PRDM16: variants seen among roughly 807,000 people sequenced by gnomAD.
PRDM16 encodes histone-lysine N-methyltransferase PRDM16.
In PRDM16, 23 loss-of-function variants were observed where a neutral mutation model predicts 110.6. The observed-to-expected ratio is 0.21, with a 90% confidence interval of 0.15 to 0.29. PRDM16 has a LOEUF of 0.29. Ranked by LOEUF, PRDM16 falls within the 10% of genes least tolerant of loss-of-function variation. The probability of loss-of-function intolerance (pLI) is 1.00; values close to 1 mark genes in which losing one functional copy is unlikely to be tolerated. For missense variants in PRDM16, 1,615 were observed against 1,794.3 expected (o/e 0.90, Z 1.81); for synonymous variants, 799 against 781.8 (o/e 1.02, Z -0.37).
chr1:3,425,075 C>CT lies in PRDM16; in HGVS notation c.2940-486dup, dbSNP rs34261616. The CT allele has an allele frequency of 0.17, 20,670 of 123,034 alleles. 2,330 individuals carry two copies. The highest frequency in any genetic ancestry group is 0.29 in the East Asian group (1,159 of 3,980). The allele number at this position is 123,034 out of a possible 1,614,324, so 7.6% of individuals were successfully genotyped here. ...CAGTAGGAGGGTGAACGCCTGCTTG[C>CT]TTTTTTTTTTTTTTTTTTTTGAGAT... On this transcript the variant is annotated intron_variant, in intron 12 of 16. Coordinates refer to ENST00000270722, the MANE Select transcript of PRDM16 (RefSeq NM_022114.4). The surrounding 1 kb of genome is among the most constrained non-coding windows in gnomAD (Gnocchi z 6.9).
chr1:3,177,908 G>A (rs1241107723), intron 1 of PRDM16, among the ~76,000 whole-genome samples: 1 of 152,248 alleles, frequency 6.6e-6, no homozygotes, highest in Non-Finnish European at 1.5e-5. Context: ...GTGGCCTTTG[G>A]GGAAGAGCTG....
At chr1:3,337,275 C>G (rs7516137) in intron 3 of PRDM16, among the ~76,000 whole-genome samples, 50,347 of 152,148 alleles carry the variant, frequency 0.33, 8,763 homozygotes, top group East Asian at 0.56. Context: ...CTGTGAATCC[C>G]ACTGTGAATT....
intron 3 of PRDM16, among the ~76,000 whole-genome samples, chr1:3,373,215 A>G (rs1002978990): frequency 8.5e-5 from 13 of 152,158 alleles, no homozygotes; most frequent in African/African-American, 3.1e-4. Context: ...GGACAGTCTC[A>G]GTCCCCCTGC....
chr1:3,090,199 C>T (rs974095633), intron 1 of PRDM16, among the ~76,000 whole-genome samples: 7 of 152,240 alleles, frequency 4.6e-5, no homozygotes, highest in Admixed American at 1.3e-4. Context: ...AACGCCACCA[C>T]GGGGCTGGTC....
chr1:3,411,783 T>C lies in PRDM16; in HGVS notation c.1586T>C (p.Leu529Pro), dbSNP rs1442870549. ...PPSLYPRPPL[L>P]PPTSLLKSPL... ...TCCTTGTACCCCCGGCCGCCTCTGC[T>C]ACCTCCCACATCGCTGCTCAAGAGC... Residue 529 changes from leucine (L) to proline (P), a missense_variant, in exon 9 of 17, where the codon CTA (leucine) becomes CCA (proline). Leu to Pro is a moderately conservative substitution (Grantham distance 98). Transcript: ENST00000270722. 1.9e-6 allele frequency: 3 copies of C among 1,611,748 alleles called. No homozygotes were observed. Among genetic ancestry groups the C allele is most frequent in the Non-Finnish European group, 2.5e-6 (3 of 1,179,746 alleles).
intron 1 of PRDM16, among the ~76,000 whole-genome samples, chr1:3,086,296 G>A (rs1003158384): frequency 4.3e-4 from 65 of 152,178 alleles, no homozygotes; most frequent in African/African-American, 1.1e-3. Context: ...CACCTGCTGC[G>A]ACCCCCAGGC....
At chr1:3,151,972 T>G (rs1643782763) in intron 1 of PRDM16, among the ~76,000 whole-genome samples, 1 of 152,166 alleles carries the variant, frequency 6.6e-6, no homozygotes, top group African/African-American at 2.4e-5. Flanking sequence ...GTCTGGTGGG[T>G]GGGAGTCTGC....
intron 3 of PRDM16, among the ~76,000 whole-genome samples, chr1:3,367,105 G>A (rs1245945366): frequency 6.6e-6 from 1 of 152,092 alleles, no homozygotes; most frequent in Non-Finnish European, 1.5e-5. Flanking sequence ...TCATCTCTAC[G>A]AAAAATACAA....
intron 1 of PRDM16, among the ~76,000 whole-genome samples, chr1:3,072,707 G>A (rs146758878): frequency 0.02 from 2,986 of 152,334 alleles, 41 homozygotes; most frequent in Non-Finnish European, 0.029. Context: ...GAGCCAGGAC[G>A]GCAGCCTTCC....
chr1:3,364,283 A>G (rs1216650058), intron 3 of PRDM16, among the ~76,000 whole-genome samples: 1 of 152,130 alleles, frequency 6.6e-6, no homozygotes, highest in African/African-American at 2.4e-5. Context: ...GGAGGTCTGT[A>G]TTGTGGGTGG....
intron 1 of PRDM16, among the ~76,000 whole-genome samples, chr1:3,096,007 C>T (rs1251800755): frequency 6.6e-6 from 1 of 152,076 alleles, no homozygotes; most frequent in Non-Finnish European, 1.5e-5. Context: ...TGGGCCCTGG[C>T]TGGGACACCC....
chr1:3,165,421 G>A (rs1326887112), intron 1 of PRDM16, among the ~76,000 whole-genome samples: 1 of 135,150 alleles, frequency 7.4e-6, no homozygotes, highest in African/African-American at 2.9e-5. Context: ...ACTCACCTGG[G>A]CTCAGGGACA....
Position 3,433,903 on chromosome 1 carries a change from G to A in PRDM16, c.*92G>A, listed in dbSNP as rs897834767. 3.1e-5 allele frequency: 41 copies of A among 1,312,352 alleles called. No individual in the cohort carries two copies. Among genetic ancestry groups the A allele is most frequent in the Admixed American group, 4.2e-5 (2 of 47,766 alleles). The allele number at this position is 1,312,352 out of a possible 1,614,324, so 81.3% of individuals were successfully genotyped here. A position where few individuals can be genotyped will look rare whatever the true frequency, so the allele number is the denominator to read the frequency against. The stretch of plus-strand genomic sequence containing the variant: ...GGGCCCCGGAGAACCCTGTCCCTGC[G>A]TGTGGCCACTCCTCAGCATCCTCCC... On this transcript the variant is annotated 3_prime_UTR_variant, in exon 17 of 17. Coordinates refer to ENST00000270722, the MANE Select transcript of PRDM16 (RefSeq NM_022114.4).
intron 3 of PRDM16, among the ~76,000 whole-genome samples, chr1:3,271,065 C>T (rs576970566): frequency 3.4e-3 from 523 of 152,256 alleles, no homozygotes; most frequent in African/African-American, 0.011. Flanking sequence ...CGGCTGTGGC[C>T]GGCCTGCCTG....
chr1:3,310,882 CGTGT>C (rs556852623), intron 3 of PRDM16, among the ~76,000 whole-genome samples: 13 of 149,340 alleles, frequency 8.7e-5, no homozygotes, highest in African/African-American at 2.7e-4. Context: ...TGTGGGCATG[CGTGT>C]GTGTGAGACA....
In PRDM16 at chr1:3,148,274, C is replaced by A. The variant is rs1011141269; in HGVS notation, c.38-37851C>A. ...CATGCCCTGGTGGCCCTGGTGAGAG[C>A]AGGTCGGGTGCCAGGACAGAGCAGC... On this transcript the variant is annotated intron_variant, in intron 1 of 16. Coordinates refer to ENST00000270722, the MANE Select transcript of PRDM16 (RefSeq NM_022114.4). The surrounding 1 kb of genome is among the most constrained non-coding windows in gnomAD (Gnocchi z 5.0). Among the ~76,000 whole-genome samples the A allele has an allele frequency of 6.6e-6, 1 of 152,126 alleles. No individual in the cohort carries two copies. Among genetic ancestry groups the A allele is most frequent in the Admixed American group, 6.5e-5 (1 of 15,276 alleles).
intron 2 of PRDM16, among the ~76,000 whole-genome samples, chr1:3,203,841 C>A (rs540418801): frequency 1.3e-5 from 2 of 151,748 alleles, no homozygotes; most frequent in African/African-American, 4.8e-5. Context: ...CAGGTGAATT[C>A]GGGGGGGGCA....
At chr1:3,354,065 C>T (rs553290101) in intron 3 of PRDM16, among the ~76,000 whole-genome samples, 2 of 152,290 alleles carry the variant, frequency 1.3e-5, no homozygotes, top group African/African-American at 4.8e-5. Flanking sequence ...ACTTGTCTCC[C>T]GTGAATTCCA....
At chr1:3,314,586 C>G (rs945586441) in intron 3 of PRDM16, among the ~76,000 whole-genome samples, 4 of 151,978 alleles carry the variant, frequency 2.6e-5, no homozygotes, top group African/African-American at 9.7e-5. Context: ...TCTCTCCTCT[C>G]TCTCCCCCCC....
Sources: gnomAD v4.1 joint callset for allele counts (sites outside exome capture counted in the v4.1 genomes callset) on GRCh38, gnomAD v4.1.1 for gene constraint, Gnocchi (gnomAD v3.1) non-coding constraint, MANE v1.5 for transcripts, NCBI Gene and HGNC (gene_info 2026-07-23, HGNC 2026-07-21) for gene names.